The following ABCB5 variants were observed in gnomAD, a reference collection of about 807,000 sequenced individuals.
ABCB5 encodes the protein ATP binding cassette subfamily B member 5, also known as ATP-binding cassette sub-family B member 5.
Under a neutral mutation model 144.2 loss-of-function variants are expected in ABCB5, and 155 were observed. The ratio of observed to expected loss-of-function variants is 1.08; its 90% confidence interval spans 0.94 to 1.23. The LOEUF (loss-of-function observed/expected upper bound fraction) is 1.23, where lower values mean the gene tolerates loss of function less well. ABCB5 is among the 50% of genes most tolerant of loss of function. The probability of loss-of-function intolerance (pLI) is 0.00; values close to 1 mark genes in which losing one functional copy is unlikely to be tolerated. For synonymous variants in ABCB5, 610 were observed against 528.6 expected (o/e 1.15, Z -2.11); for missense variants, 1,830 against 1,520.8 (o/e 1.20, Z -3.38).
At chr7:20,721,427 G>C (rs1781863925) in intron 20 of ABCB5, among the ~76,000 whole-genome samples, 1 of 152,210 alleles carries the variant, frequency 6.6e-6, no homozygotes, top group South Asian at 2.1e-4. Flanking sequence ...CCTAGTTAAA[G>C]TTGGCTAGTT....
chr7:20,712,158 CAAAAAAAAAA>C (rs34938819), intron 20 of ABCB5, among the ~76,000 whole-genome samples: 2 of 52,646 alleles, frequency 3.8e-5, no homozygotes, highest in Non-Finnish European at 6.4e-5. Flanking sequence ...AAGACGCCGT[CAAAAAAAAAA>C]AAAAAAAAAA....
At chr7:20,639,572 A>G (rs1784244303) in intron 5 of ABCB5, among the ~76,000 whole-genome samples, 2 of 152,306 alleles carry the variant, frequency 1.3e-5, no homozygotes, top group South Asian at 2.1e-4. Flanking sequence ...GTGGCTGTCC[A>G]GTTGTCCCAG....
chr7:20,693,673 C>T (rs139451423), intron 16 of ABCB5, among the ~76,000 whole-genome samples: 3 of 151,900 alleles, frequency 2.0e-5, no homozygotes, highest in African/African-American at 7.2e-5. Context: ...ACTAAGCTTC[C>T]ACCTTAAGAT....
At chr7:20,692,399 A>G (rs1478064177) in intron 16 of ABCB5, among the ~76,000 whole-genome samples, 1 of 151,924 alleles carries the variant, frequency 6.6e-6, no homozygotes, top group South Asian at 2.1e-4. Flanking sequence ...AAAATGCCCA[A>G]TAAAAAGGAA....
At chr7:20,710,842 GCA>G (rs1787003010) in intron 20 of ABCB5, among the ~76,000 whole-genome samples, 1 of 149,882 alleles carries the variant, frequency 6.7e-6, no homozygotes, top group Admixed American at 6.6e-5. Flanking sequence ...TATGTTCTTT[GCA>G]CAGTTTTCCT....
Position 20,658,711 on chromosome 7 carries a change from C to T in ABCB5, c.1707+35C>T, listed in dbSNP as rs766357009. 16 of 1,603,822 alleles carry T rather than the reference C, an allele frequency of 1.0e-5. No individual in the cohort carries two copies. In the East Asian group the frequency reaches 3.3e-4, roughly 34 times the overall value. On this transcript the variant is annotated intron_variant, in intron 14 of 27. Transcript: ENST00000404938. ...CAGAAACGTTTCTTATTTCCATACT[C>T]CTGGTTCATTATTGTTTTGAAGTAC... is the stretch of plus-strand genomic sequence containing the variant.
chr7:20,742,284 G>A (rs1782585881), intron 24 of ABCB5, among the ~76,000 whole-genome samples: 1 of 152,110 alleles, frequency 6.6e-6, no homozygotes, highest in African/African-American at 2.4e-5. Context: ...TGAGGTGGGA[G>A]GATGGCTTGA....
chr7:20,665,768 G>GATAGATAGATAGATAGAGATACATAC (rs1562549609), intron 14 of ABCB5, among the ~76,000 whole-genome samples: 2 of 125,488 alleles, frequency 1.6e-5, no homozygotes, highest in South Asian at 2.8e-4. Flanking sequence ...GATAGATAGA[G>GATAGATAGATAGATAGAGATACATAC]ATACATACAT....
At chr7:20,652,600 A>G (rs569827883) in intron 13 of ABCB5, among the ~76,000 whole-genome samples, 3 of 152,328 alleles carry the variant, frequency 2.0e-5, no homozygotes, top group South Asian at 2.1e-4. Context: ...TTGGAAAGCA[A>G]TATAGTCCCC....
chr7:20,653,296 G>C (rs1784665097), intron 13 of ABCB5, among the ~76,000 whole-genome samples: 2 of 152,168 alleles, frequency 1.3e-5, no homozygotes, highest in Non-Finnish European at 2.9e-5. Flanking sequence ...AGCTTATCAT[G>C]ATGAAACCTA....
intron 25 of ABCB5, among the ~76,000 whole-genome samples, chr7:20,744,452 C>G (rs1274516153): frequency 6.6e-6 from 1 of 152,112 alleles, no homozygotes; most frequent in East Asian, 1.9e-4. Flanking sequence ...TTCCTTAAGG[C>G]CTTCTTGTAC....
chr7:20,677,797 T>A lies in ABCB5; in HGVS notation c.1708-3708T>A, dbSNP rs552113496. ...CCTCTTTCTACCTAGTCCCGCTGTT[T>A]AAATGACTCCCTTAATATCTGTTAT... On this transcript the variant is annotated intron_variant, in intron 14 of 27. Transcript: ENST00000404938. 2.0e-5 allele frequency among the ~76,000 whole-genome samples: 3 copies of A among 152,308 alleles called. No individual in the cohort carries two copies. The East Asian group carries it at 5.8e-4, about 29-fold the overall frequency.
At chr7:20,736,375 A>C (rs1014108092) in intron 23 of ABCB5, among the ~76,000 whole-genome samples, 3 of 151,502 alleles carry the variant, frequency 2.0e-5, no homozygotes, top group Non-Finnish European at 4.4e-5. Context: ...GTGCCAACAC[A>C]CCCAGCTAAT....
chr7:20,680,548 C>T (rs904265676), intron 14 of ABCB5, among the ~76,000 whole-genome samples: 28 of 145,344 alleles, frequency 1.9e-4, no homozygotes, highest in Middle Eastern at 7.2e-3. Flanking sequence ...CCAGCCTGGG[C>T]GACAGAGCCA....
At chr7:20,708,538 C>T (rs893584157) in intron 20 of ABCB5, among the ~76,000 whole-genome samples, 1 of 152,136 alleles carries the variant, frequency 6.6e-6, no homozygotes, top group Non-Finnish European at 1.5e-5. Context: ...GCCTTGAATT[C>T]ATAATATTGC....
chr7:20,679,213 A>G (rs1222795649), intron 14 of ABCB5, among the ~76,000 whole-genome samples: 1 of 152,130 alleles, frequency 6.6e-6, no homozygotes, highest in Admixed American at 6.6e-5. Flanking sequence ...CACGCCTGTA[A>G]TCCCAGCACT....
chr7:20,718,614 G>A (rs539081118), intron 20 of ABCB5, among the ~76,000 whole-genome samples: 5 of 152,160 alleles, frequency 3.3e-5, no homozygotes, highest in African/African-American at 4.8e-5. Context: ...AGAGCCCTGG[G>A]GGGGAGGGAG....
rs1784955857 is a variant in ABCB5 at position 20,660,085 on chromosome 7, AG to A, written c.1707+1411del. On this transcript the variant is annotated intron_variant, in intron 14 of 27. Transcript: ENST00000404938. ...ATTTTCATCCACTGGTAATCACTTTAGGTAATCAAAACTAGTTCAGACTTTT... is the reference window on the plus strand; with the variant it reads ...ATTTTCATCCACTGGTAATCACTTTAGTAATCAAAACTAGTTCAGACTTTT... 3 of 985,312 alleles carry A rather than the reference AG, an allele frequency of 3.0e-6. No individual in the cohort carries two copies. In the South Asian group the frequency reaches 1.4e-4, roughly 46 times the overall value. 61.0% of individuals were successfully genotyped at this position (985,312 alleles called of 1,614,324 possible).
intron 1 of ABCB5, among the ~76,000 whole-genome samples, chr7:20,622,963 C>G (rs1280985435): frequency 6.6e-6 from 1 of 152,096 alleles, no homozygotes; most frequent in Non-Finnish European, 1.5e-5. Context: ...ATCTAATATC[C>G]TGACAAACAG....
Sources: gnomAD v4.1 joint callset for allele counts (sites outside exome capture counted in the v4.1 genomes callset) on GRCh38, gnomAD v4.1.1 for gene constraint, MANE v1.5 for transcripts, NCBI Gene and HGNC (gene_info 2026-07-23, HGNC 2026-07-21) for gene names.